Variants in RAB3GAP1 observed in about 807,000 individuals in gnomAD.
The protein encoded by RAB3GAP1 is rab3 GTPase-activating protein catalytic subunit.
Under a neutral mutation model 130.7 loss-of-function variants are expected in RAB3GAP1, and 86 were observed. The ratio of observed to expected loss-of-function variants is 0.66; its 90% CI spans 0.55 to 0.79. The LOEUF (loss-of-function observed/expected upper bound fraction) is 0.79, where lower values mean the gene tolerates loss of function less well. Ranked by LOEUF, RAB3GAP1 falls within the 30% of genes least tolerant of loss-of-function variation. The probability of loss-of-function intolerance (pLI) is 0.00; values close to 1 mark genes in which losing one functional copy is unlikely to be tolerated. For synonymous variants in RAB3GAP1, 367 were observed against 401.7 expected (o/e 0.91, Z 1.03); for missense variants, 1,029 against 1,169.4 (o/e 0.88, Z 1.75).
intron 3 of RAB3GAP1, among the ~76,000 whole-genome samples, chr2:135,074,293 T>C (rs1689559236): frequency 6.6e-6 from 1 of 152,204 alleles, no homozygotes; most frequent in Admixed American, 6.5e-5. Flanking sequence ...CTGCCAGTTA[T>C]GCCAAACGTA....
intron 11 of RAB3GAP1, among the ~76,000 whole-genome samples, chr2:135,128,641 C>T (rs1691423224): frequency 6.6e-6 from 1 of 152,164 alleles, no homozygotes; most frequent in Admixed American, 6.5e-5. Context: ...TCTTACCCTA[C>T]CTCTTTTAAT....
intron 18 of RAB3GAP1, among the ~76,000 whole-genome samples, chr2:135,152,707 A>C (rs1237638463): frequency 6.6e-6 from 1 of 152,212 alleles, no homozygotes; most frequent in Non-Finnish European, 1.5e-5. Context: ...AGGGATGGTC[A>C]TGCTGGTAGC....
intron 5 of RAB3GAP1, among the ~76,000 whole-genome samples, chr2:135,094,902 T>C (rs1690247601): frequency 6.6e-6 from 1 of 152,212 alleles, no homozygotes; most frequent in Non-Finnish European, 1.5e-5. Context: ...CTGAATAATA[T>C]TATATTGTGT....
At chr2:135,098,650 CA>C (rs1690367093) in intron 5 of RAB3GAP1, among the ~76,000 whole-genome samples, 3 of 152,124 alleles carry the variant, frequency 2.0e-5, no homozygotes, top group Non-Finnish European at 2.9e-5. Context: ...ATATTCTTTC[CA>C]AAAACCCCTA....
intron 23 of RAB3GAP1, 40 bp from the exon 24 acceptor site, chr2:135,168,505 T>G (rs1260290625): frequency 1.3e-6 from 2 of 1,524,740 alleles, no homozygotes; most frequent in East Asian, 4.5e-5. Context: ...GAGTTTAGCA[T>G]TTGACCTGCT....
Position 135,152,602 on chromosome 2 carries a change from A to T in RAB3GAP1, c.2062-1047A>T, listed in dbSNP as rs759196775. On this transcript the variant is annotated intron_variant, in intron 18 of 23. Transcript: ENST00000264158. ...ATAATCTTGACCCACTGCTTTTGCC[A>T]TGGACCGTATCATAACCCTTTTACA... 4.3e-4 allele frequency among the ~76,000 whole-genome samples: 66 copies of T among 152,170 alleles called. 1 individual carries two copies. The highest frequency in any genetic ancestry group is 7.4e-5 in the Non-Finnish European group (5 of 68,026).
At chr2:135,164,792 T>A in intron 23 of RAB3GAP1, 96 bp downstream of exon 23, 1 of 910,758 alleles carries the variant, frequency 1.1e-6, no homozygotes, top group East Asian at 2.7e-5. Context: ...ATCACACTCA[T>A]GTCACCTGAG....
At position 135,120,815 on chromosome 2, in the gene RAB3GAP1, C is replaced by T. The variant is rs760192777; in HGVS notation, c.649-4C>T. 1.3e-6 allele frequency: 2 copies of T among 1,581,176 alleles called. No individual in the cohort carries two copies. The highest frequency in any genetic ancestry group is 1.7e-5 in the Admixed American group (1 of 59,972). On this transcript the variant is annotated splice_region_variant and splice_polypyrimidine_tract_variant and intron_variant, in intron 7 of 23. Transcript: ENST00000264158. ...ACGGTATTGTCTTTGCATGTATTTC[C>T]TAGGGATGTCCTTTAACTCCATTGC...
intron 19 of RAB3GAP1, among the ~76,000 whole-genome samples, chr2:135,158,114 T>C (rs1175436393): frequency 6.6e-6 from 1 of 152,142 alleles, no homozygotes; most frequent in Non-Finnish European, 1.5e-5. Flanking sequence ...TGGATAGGTA[T>C]GTGGGTATGG....
At chr2:135,151,826 T>G (rs1692182598) in intron 18 of RAB3GAP1, among the ~76,000 whole-genome samples, 1 of 152,238 alleles carries the variant, frequency 6.6e-6, no homozygotes, top group South Asian at 2.1e-4. Flanking sequence ...AGAGTCATCT[T>G]TCCCTGTCCT....
intron 17 of RAB3GAP1, among the ~76,000 whole-genome samples, chr2:135,144,264 T>C (rs1691931946): frequency 6.6e-6 from 1 of 152,220 alleles, no homozygotes; most frequent in Non-Finnish European, 1.5e-5. Context: ...AGAATTTTAT[T>C]GAGTGACAGA....
chr2:135,151,817 G>C (rs1224335203), intron 18 of RAB3GAP1, among the ~76,000 whole-genome samples: 6 of 152,238 alleles, frequency 3.9e-5, no homozygotes, highest in Admixed American at 3.9e-4. Flanking sequence ...GCTGCCTTCA[G>C]AGTCATCTTT....
chr2:135,115,972 G>A (rs934270128), intron 7 of RAB3GAP1, among the ~76,000 whole-genome samples: 2 of 152,150 alleles, frequency 1.3e-5, no homozygotes, highest in Non-Finnish European at 1.5e-5. Flanking sequence ...GCTGATGAGG[G>A]CTTAAGTTGA....
In RAB3GAP1 at chr2:135,126,639, A is replaced by G; in HGVS notation, c.956A>G (p.Asn319Ser). ...TCTGTTAGAGTTCGAAAAGCTGAGA[A>G]TCCTCAGTGTTTGCTAGGTAAGGTA... ...HWSVRVRKAE[N>S]PQCLLGDFVT... The change falls in exon 11 of 24, where the codon AAT becomes AGT. Residue 319 changes from asparagine to serine, a missense_variant. By Grantham distance (46) the Asn-to-Ser change is conservative. This residue lies in a region of RAB3GAP1 where 510 missense variants were observed against 532.1 expected (regional missense o/e 0.96). Coordinates refer to ENST00000264158, the MANE Select transcript of RAB3GAP1 (RefSeq NM_012233.3). 1 of 1,612,298 alleles carries G rather than the reference A, an allele frequency of 6.2e-7. No homozygotes were observed. Among genetic ancestry groups the G allele is most frequent in the Non-Finnish European group, 8.5e-7 (1 of 1,178,444 alleles).
chr2:135,149,887 G>A (rs1389078583), intron 17 of RAB3GAP1, among the ~76,000 whole-genome samples: 1 of 152,110 alleles, frequency 6.6e-6, no homozygotes, highest in Non-Finnish European at 1.5e-5. Flanking sequence ...TCGATCTCCT[G>A]ACCTCATGAT....
At chr2:135,171,257 G>A (rs959546017), downstream of RAB3GAP1, among the ~76,000 whole-genome samples, 3 of 152,228 alleles carry the variant, frequency 2.0e-5, no homozygotes, top group East Asian at 1.9e-4. Context: ...CAAGAAGTTC[G>A]GGGGAAGCCG....
In RAB3GAP1 at chr2:135,052,428, A is replaced by G; in HGVS notation, c.19-2A>G. The G allele has an allele frequency of 6.2e-7, 1 of 1,614,084 alleles. No individual in the cohort carries two copies. The highest frequency in any genetic ancestry group is 8.5e-7 in the Non-Finnish European group (1 of 1,180,022). Reference sequence around the variant, plus strand: ...CTTTTTCTCTCCTTCCCCTTCCCGCAGCCCGAATCCGAGGTATTTGAGATC... The same window carrying G: ...CTTTTTCTCTCCTTCCCCTTCCCGCGGCCCGAATCCGAGGTATTTGAGATC... On this transcript the variant is annotated splice_acceptor_variant, in intron 1 of 23. Transcript: ENST00000264158. LOFTEE classifies it high-confidence loss of function.
At chr2:135,137,593 A>G (rs1691709967) in intron 17 of RAB3GAP1, among the ~76,000 whole-genome samples, 1 of 152,230 alleles carries the variant, frequency 6.6e-6, no homozygotes, top group South Asian at 2.1e-4. Flanking sequence ...CTTGATGGAC[A>G]GTGGAAGAAA....
chr2:135,068,449 T>G (rs1689382673), intron 3 of RAB3GAP1, among the ~76,000 whole-genome samples: 1 of 151,584 alleles, frequency 6.6e-6, no homozygotes, highest in South Asian at 2.1e-4. Context: ...CTATAAAAAT[T>G]TTTCTTAAAA....
Sources: gnomAD v4.1 joint callset for allele counts (sites outside exome capture counted in the v4.1 genomes callset) on GRCh38, gnomAD v4.1.1 for gene constraint, gnomAD v4.1.1 regional missense constraint, MANE v1.5 for transcripts, NCBI Gene and HGNC (gene_info 2026-07-23, HGNC 2026-07-21) for gene names.